AP3S1: variants seen among roughly 807,000 people sequenced by gnomAD.
The protein encoded by AP3S1 is AP-3 complex subunit sigma-1.
In AP3S1, 12 loss-of-function variants were observed where a neutral mutation model predicts 21.3. The ratio of observed to expected loss-of-function variants is 0.56; its 90% CI spans 0.36 to 0.91. AP3S1 has a LOEUF of 0.91. Among genes scored for constraint, AP3S1 ranks in the 40% least tolerant of loss-of-function variants. The probability of loss-of-function intolerance (pLI) is 0.01; values close to 1 mark genes in which losing one functional copy is unlikely to be tolerated. For missense variants in AP3S1, 116 were observed against 225.0 expected (o/e 0.52, Z 3.10); for synonymous variants, 48 against 78.4 (o/e 0.61, Z 2.05).
chr5:115,846,539 A>G (rs1014953317), intron 1 of AP3S1, among the ~76,000 whole-genome samples: 6 of 151,808 alleles, frequency 4.0e-5, no homozygotes, highest in African/African-American at 1.4e-4. Context: ...GAGGAACTCT[A>G]AGATTCTTCT....
At chr5:115,846,572 T>C (rs1349439676) in intron 1 of AP3S1, among the ~76,000 whole-genome samples, 1 of 151,310 alleles carries the variant, frequency 6.6e-6, no homozygotes, top group Non-Finnish European at 1.5e-5. Flanking sequence ...TTTTTTTTTT[T>C]AAATCTTAAC....
At chr5:115,906,929 T>C in intron 5 of AP3S1, 2 of 1,445,258 alleles carry the variant, frequency 1.4e-6, no homozygotes, top group South Asian at 1.5e-5. Flanking sequence ...AGGCAATTAA[T>C]TATTTAGGCC....
At chr5:115,903,054 T>C in intron 5 of AP3S1, 62 bp downstream of exon 5, 1 of 1,245,542 alleles carries the variant, frequency 8.0e-7, no homozygotes, top group Non-Finnish European at 1.2e-6. Context: ...TACGCATGAT[T>C]TGTAGTTTTC....
In AP3S1 at chr5:115,841,982, C is replaced by A; in HGVS notation, c.-56C>A. On this transcript the variant is annotated 5_prime_UTR_variant, in exon 1 of 6. Coordinates refer to ENST00000316788, the MANE Select transcript of AP3S1 (RefSeq NM_001284.4). The stretch of plus-strand genomic sequence containing the variant: ...GCAGGCGAGATTACGAGGCGAGGCT[C>A]GCGCGCCCGCCCCCGCCCTGGCCCC... 3.9e-6 allele frequency: 6 copies of A among 1,527,536 alleles called. No individual in the cohort carries two copies. Among genetic ancestry groups the A allele is most frequent in the Non-Finnish European group, 5.3e-6 (6 of 1,133,784 alleles). The allele number at this position is 1,527,536 out of a possible 1,614,324, so 94.6% of individuals were successfully genotyped here.
intron 1 of AP3S1, among the ~76,000 whole-genome samples, chr5:115,846,854 T>G (rs1177948492): frequency 1.3e-5 from 2 of 152,206 alleles, no homozygotes; most frequent in African/African-American, 4.8e-5. Flanking sequence ...TTAGTTATAA[T>G]GCGTTTGTCT....
intron 1 of AP3S1, among the ~76,000 whole-genome samples, chr5:115,847,609 C>T (rs757269054): frequency 6.6e-6 from 1 of 152,058 alleles, no homozygotes; most frequent in African/African-American, 2.4e-5. Context: ...ACAGAGGAGA[C>T]CCTGTCTCAA....
chr5:115,875,729 T>C (rs1382021746), intron 3 of AP3S1, among the ~76,000 whole-genome samples: 2 of 152,202 alleles, frequency 1.3e-5, no homozygotes, highest in Admixed American at 6.5e-5. Flanking sequence ...TTCTGCCTCC[T>C]ACATTATACT....
At chr5:115,843,892 G>A (rs762001356) in intron 1 of AP3S1, among the ~76,000 whole-genome samples, 40 of 152,224 alleles carry the variant, frequency 2.6e-4, no homozygotes, top group Non-Finnish European at 4.8e-4. Context: ...AGCAGTGACG[G>A]TTAATGTGGG....
At chr5:115,894,960 T>C (rs780684215) in intron 3 of AP3S1, 127 bp from the exon 4 acceptor site, 2 of 599,826 alleles carry the variant, frequency 3.3e-6, no homozygotes, top group Non-Finnish European at 5.7e-6. Flanking sequence ...ATTAATACAA[T>C]TTTTAGTTTG....
intron 1 of AP3S1, among the ~76,000 whole-genome samples, chr5:115,844,037 G>C (rs904255928): frequency 4.6e-5 from 7 of 152,210 alleles, no homozygotes; most frequent in Non-Finnish European, 1.0e-4. Flanking sequence ...TATAGGTGGA[G>C]TATGAGAAGT....
intron 5 of AP3S1, among the ~76,000 whole-genome samples, chr5:115,910,229 A>G (rs948999014): frequency 6.8e-6 from 1 of 146,924 alleles, no homozygotes; most frequent in Non-Finnish European, 1.5e-5. Context: ...TGCATCACTC[A>G]CTCCACTGTG....
chr5:115,842,293 G>A (rs1050490014), intron 1 of AP3S1, among the ~76,000 whole-genome samples, 187 bp downstream of exon 1: 2 of 152,158 alleles, frequency 1.3e-5, no homozygotes, highest in African/African-American at 2.4e-5. Context: ...CCTGCCGCGC[G>A]GTCAGCCACC....
chr5:115,881,296 A>G (rs193027298), intron 3 of AP3S1, among the ~76,000 whole-genome samples: 1 of 152,242 alleles, frequency 6.6e-6, no homozygotes. Flanking sequence ...CATAGTGTCA[A>G]TGGTCTTCAC....
intron 5 of AP3S1, chr5:115,903,414 GAAGT>G (rs1446104639): frequency 6.5e-6 from 1 of 152,676 alleles, no homozygotes; most frequent in African/African-American, 2.4e-5. Context: ...TTCTTACAGG[GAAGT>G]AAGTAATGTT....
At chr5:115,846,758 G>A (rs60356891) in intron 1 of AP3S1, among the ~76,000 whole-genome samples, 2,820 of 152,124 alleles carry the variant, frequency 0.019, 101 homozygotes, top group African/African-American at 0.065. Flanking sequence ...ACACTCCTGA[G>A]TATGAGGGTG....
At chr5:115,868,215 A>G (rs1049367356) in intron 2 of AP3S1, among the ~76,000 whole-genome samples, 2 of 152,238 alleles carry the variant, frequency 1.3e-5, no homozygotes, top group African/African-American at 4.8e-5. Flanking sequence ...CTTGCTTTTA[A>G]TAGCATTACT....
chr5:115,908,468 T>C (rs908036336), intron 5 of AP3S1, among the ~76,000 whole-genome samples: 2 of 152,176 alleles, frequency 1.3e-5, no homozygotes, highest in African/African-American at 4.8e-5. Context: ...TACCTTGACA[T>C]ACACATTTGT....
intron 2 of AP3S1, among the ~76,000 whole-genome samples, chr5:115,867,424 C>A (rs1399656630): frequency 6.6e-6 from 1 of 152,052 alleles, no homozygotes; most frequent in African/African-American, 2.4e-5. Context: ...ATATTACAAA[C>A]AAATACTTTT....
intron 4 of AP3S1, among the ~76,000 whole-genome samples, chr5:115,898,026 T>C (rs1261280223): frequency 6.6e-6 from 1 of 152,214 alleles, no homozygotes; most frequent in Non-Finnish European, 1.5e-5. Context: ...AACATGGAAA[T>C]GTTAGCCACT....
Sources: allele counts gnomAD v4.1 joint callset (sites outside exome capture counted in the v4.1 genomes callset), GRCh38; gene constraint gnomAD v4.1.1; transcripts MANE v1.5; gene names NCBI Gene and HGNC (gene_info 2026-07-23, HGNC 2026-07-21).